ADGRB1: variants seen among roughly 807,000 people sequenced by gnomAD.
ADGRB1 encodes adhesion G protein-coupled receptor B1.
ADGRB1 carries 36 observed loss-of-function variants against 175.7 expected under a neutral mutation model. That is an observed-to-expected ratio of 0.20 (90% CI 0.16 to 0.27). ADGRB1 has a LOEUF of 0.27. Among genes scored for constraint, ADGRB1 ranks in the 10% least tolerant of loss-of-function variants. The pLI, the probability that ADGRB1 is intolerant of heterozygous loss-of-function variation, is 1.00. For synonymous variants in ADGRB1, 1,054 were observed against 979.4 expected (o/e 1.08, Z -1.42); for missense variants, 1,731 against 2,255.3 (o/e 0.77, Z 4.71).
intron 3 of ADGRB1, among the ~76,000 whole-genome samples, chr8:142,476,340 C>G (rs980654155): frequency 1.8e-4 from 28 of 152,086 alleles, no homozygotes; most frequent in African/African-American, 6.5e-4. Context: ...TGCAGGTGAA[C>G]GCTGGCCTGT....
In ADGRB1 at chr8:142,490,827, T is replaced by C; in HGVS notation, c.2675+12T>C. 1.3e-6 allele frequency: 2 copies of C among 1,575,738 alleles called. No homozygotes were observed. Among genetic ancestry groups the C allele is most frequent in the Non-Finnish European group, 1.7e-6 (2 of 1,160,342 alleles). On this transcript the variant is annotated intron_variant, in intron 17 of 30. Transcript: ENST00000517894. ...GATGAGACGGATGTGTAAGTTCACT[T>C]GGATTTCATGGCCGTGGGGGTCTGG... is the stretch of plus-strand genomic sequence containing the variant.
intron 17 of ADGRB1, among the ~76,000 whole-genome samples, chr8:142,495,507 G>A (rs956379699): frequency 1.3e-5 from 2 of 152,134 alleles, no homozygotes; most frequent in East Asian, 3.9e-4. Context: ...AGTTCTGGAG[G>A]CCAGAATCTT....
chr8:142,472,621 A>G (rs913469593), intron 2 of ADGRB1, among the ~76,000 whole-genome samples: 1 of 152,240 alleles, frequency 6.6e-6, no homozygotes, highest in Admixed American at 6.5e-5. Flanking sequence ...GTGAGGGGAC[A>G]CACATCAAAA....
At chr8:142,460,060 C>T (rs929081971) in intron 1 of ADGRB1, among the ~76,000 whole-genome samples, 1 of 152,222 alleles carries the variant, frequency 6.6e-6, no homozygotes, top group Non-Finnish European at 1.5e-5. Flanking sequence ...CTGCAGTGCC[C>T]GGCTCGGGCC....
chr8:142,487,662 C>T (rs557003768), intron 13 of ADGRB1, among the ~76,000 whole-genome samples: 4 of 152,312 alleles, frequency 2.6e-5, no homozygotes, highest in South Asian at 2.1e-4. Flanking sequence ...TCCACCCCAG[C>T]GGCACTTCCC....
chr8:142,510,644 C>G lies in ADGRB1; in HGVS notation c.2676-288C>G, dbSNP rs922705838. ...CTGCCGGGCCCCGGGCCAGCTCTCG[C>G]CCCCCGCCCCGCCCCCGATCGCTCG... On this transcript the variant is annotated intron_variant, in intron 17 of 30. Coordinates refer to ENST00000517894, the MANE Select transcript of ADGRB1 (RefSeq NM_001702.3). This position sits in a 1 kb window ranked among gnomAD's most constrained non-coding sequence, Gnocchi z 6.3. Among the ~76,000 whole-genome samples the G allele has an allele frequency of 2.7e-5, 4 of 145,774 alleles. No homozygotes were observed. Among genetic ancestry groups the G allele is most frequent in the African/African-American group, 9.8e-5 (4 of 40,736 alleles).
At chr8:142,518,887 C>T (rs1344084486) in intron 19 of ADGRB1, among the ~76,000 whole-genome samples, 3 of 152,250 alleles carry the variant, frequency 2.0e-5, no homozygotes, top group Admixed American at 6.5e-5. Context: ...GGACTCCCAA[C>T]GTGTCCAGAG....
chr8:142,462,574 T>C (rs1840026648), intron 1 of ADGRB1, among the ~76,000 whole-genome samples: 1 of 152,232 alleles, frequency 6.6e-6, no homozygotes, highest in Non-Finnish European at 1.5e-5. Context: ...TACAAGGCTG[T>C]GCAGGAAGGA....
In ADGRB1 at chr8:142,477,242, G is replaced by A. The variant is rs1028287143; in HGVS notation, c.1186G>A (p.Glu396Lys). ...CACGCAGTGCAGCGGACCCCTGCGC[G>A]AGCAGCGGCTGTGCAACAACTCTGC... ...YSTQCSGPLR[E>K]QRLCNNSAVC... The change falls in exon 5 of 31, where the codon GAG becomes AAG. Residue 396 changes from glutamate to lysine, a missense_variant. Transcript: ENST00000517894. The A allele has an allele frequency of 1.3e-6, 2 of 1,592,878 alleles. No individual in the cohort carries two copies. The highest frequency in any genetic ancestry group is 1.7e-6 in the Non-Finnish European group (2 of 1,171,666).
intron 2 of ADGRB1, among the ~76,000 whole-genome samples, chr8:142,466,466 G>A (rs143845221): frequency 6.6e-6 from 1 of 152,360 alleles, no homozygotes; most frequent in Non-Finnish European, 1.5e-5. Context: ...CAGGCGTGAG[G>A]CTTGGCCCAG....
chr8:142,497,298 G>C (rs902995516), intron 17 of ADGRB1, among the ~76,000 whole-genome samples: 1 of 152,062 alleles, frequency 6.6e-6, no homozygotes, highest in Non-Finnish European at 1.5e-5. Context: ...CTGCCCAAGC[G>C]AGCATCCTGG....
intron 17 of ADGRB1, among the ~76,000 whole-genome samples, chr8:142,499,614 G>A (rs1004213495): frequency 4.6e-5 from 7 of 152,086 alleles, no homozygotes; most frequent in Non-Finnish European, 7.4e-5. Context: ...CGCTGCCTGC[G>A]AGGTGTCTGT....
intron 17 of ADGRB1, among the ~76,000 whole-genome samples, chr8:142,496,600 A>T (rs1842229158): frequency 6.6e-6 from 1 of 152,216 alleles, no homozygotes; most frequent in African/African-American, 2.4e-5. Flanking sequence ...TCAGTCTTTT[A>T]AAACTGCTTT....
At position 142,520,756 on chromosome 8, in the gene ADGRB1, G is replaced by C; in HGVS notation, c.2922-67G>C. The C allele has an allele frequency of 2.1e-6, 3 of 1,411,364 alleles. No individual in the cohort carries two copies. In the South Asian group the frequency reaches 3.5e-5, roughly 16 times the overall value. 87.4% of individuals were successfully genotyped at this position (1,411,364 alleles called of 1,614,324 possible). ...GTGGGGCTCTGGTCTTGGTGCCACAGGACCACAGCCCCTGTGCAGATGGGG... is the reference window on the plus strand; with the variant it reads ...GTGGGGCTCTGGTCTTGGTGCCACACGACCACAGCCCCTGTGCAGATGGGG... On this transcript the variant is annotated intron_variant, in intron 19 of 30. Transcript: ENST00000517894.
chr8:142,479,279 G>A (rs1200307907), intron 7 of ADGRB1, 44 bp from the exon 8 acceptor site: 1 of 1,448,478 alleles, frequency 6.9e-7, no homozygotes. Flanking sequence ...CCTGGACCCT[G>A]CCCTTCTTGT....
intron 24 of ADGRB1, among the ~76,000 whole-genome samples, chr8:142,527,233 A>G (rs568905460): frequency 2.9e-4 from 44 of 152,148 alleles, no homozygotes; most frequent in Admixed American, 9.8e-4. Flanking sequence ...ACAGAGGGGA[A>G]GCTGCGGGGC....
intron 18 of ADGRB1, among the ~76,000 whole-genome samples, chr8:142,516,612 G>A (rs1447121968): frequency 6.9e-6 from 1 of 145,572 alleles, no homozygotes; most frequent in Non-Finnish European, 1.5e-5. Flanking sequence ...CCACAGGTGT[G>A]TGTGTGTGTG....
Position 142,524,650 on chromosome 8 carries a change from G to T in ADGRB1, c.3312+346G>T, listed in dbSNP as rs1844068017. Among the ~76,000 whole-genome samples, 3 of 152,306 alleles carry T rather than the reference G, an allele frequency of 2.0e-5. No homozygotes were observed. The South Asian group carries it at 6.2e-4, about 32-fold the overall frequency. On this transcript the variant is annotated intron_variant, in intron 23 of 30. Transcript: ENST00000517894. ...ATGGACGGATGATGCGAGCAGCGGGGAGCTGCAGGCTGGACCTGGGTTGTG... is the reference window on the plus strand; with the variant it reads ...ATGGACGGATGATGCGAGCAGCGGGTAGCTGCAGGCTGGACCTGGGTTGTG...
chr8:142,544,739 G>C lies in ADGRB1; in HGVS notation c.*322G>C, dbSNP rs1031616442. On this transcript the variant is annotated 3_prime_UTR_variant, in exon 31 of 31. Coordinates refer to ENST00000517894, the MANE Select transcript of ADGRB1 (RefSeq NM_001702.3). ...CAGGCCCAGCGCGGCCAGCGTCCCA[G>C]GGTACCCGCCTGAGCTCCTGCTGCG... 4.6e-6 allele frequency: 1 copy of C among 216,824 alleles called. No individual in the cohort carries two copies. Among genetic ancestry groups the C allele is most frequent in the Non-Finnish European group, 9.0e-6 (1 of 110,722 alleles). 13.4% of individuals were successfully genotyped at this position (216,824 alleles called of 1,614,324 possible).
Sources: allele counts gnomAD v4.1 joint callset (sites outside exome capture counted in the v4.1 genomes callset), GRCh38; gene constraint gnomAD v4.1.1; non-coding constraint Gnocchi (gnomAD v3.1); transcripts MANE v1.5; gene names NCBI Gene and HGNC (gene_info 2026-07-23, HGNC 2026-07-21).